The following MCUB variants were observed in gnomAD, a reference collection of about 807,000 sequenced individuals.
MCUB encodes the protein mitochondrial calcium uniporter dominant negative subunit beta.
MCUB carries 46 observed loss-of-function variants against 41.4 expected under a neutral mutation model. The ratio of observed to expected loss-of-function variants is 1.11; its 90% confidence interval spans 0.88 to 1.42. The LOEUF (loss-of-function observed/expected upper bound fraction) is 1.42, where lower values mean the gene tolerates loss of function less well. Ranked by LOEUF, MCUB falls within the 40% of genes most tolerant of loss-of-function variation. MCUB has a pLI of 0.00. For synonymous variants in MCUB, 148 were observed against 148.2 expected (o/e 1.00, Z 0.01); for missense variants, 403 against 404.9 (o/e 1.00, Z 0.04).
At chr4:109,639,339 T>C (rs9993884) in intron 1 of MCUB, among the ~76,000 whole-genome samples, 27,280 of 151,848 alleles carry the variant, frequency 0.18, 3,968 homozygotes, top group African/African-American at 0.4. Flanking sequence ...AGTAATATTT[T>C]GAAAGGAATC....
At chr4:109,561,170 G>A (rs1246210818) in intron 1 of MCUB, among the ~76,000 whole-genome samples, 1 of 152,176 alleles carries the variant, frequency 6.6e-6, no homozygotes, top group Non-Finnish European at 1.5e-5. Flanking sequence ...AGGAGCCCGG[G>A]AGTGCAAACT....
At chr4:109,609,184 A>G (rs1727946600) in intron 1 of MCUB, among the ~76,000 whole-genome samples, 1 of 152,198 alleles carries the variant, frequency 6.6e-6, no homozygotes, top group African/African-American at 2.4e-5. Flanking sequence ...TGTGCAAGAA[A>G]TAATTCAGGG....
chr4:109,681,328 G>C, intron 4 of MCUB: 3 of 306,398 alleles, frequency 9.8e-6, no homozygotes, highest in South Asian at 5.1e-5. Context: ...TTGGTTAAAG[G>C]TAGTCAAAAG....
At chr4:109,579,620 G>T (rs1727122969) in intron 1 of MCUB, among the ~76,000 whole-genome samples, 1 of 152,128 alleles carries the variant, frequency 6.6e-6, no homozygotes, top group South Asian at 2.1e-4. Context: ...TTGTGGATAG[G>T]TAAATTTATT....
At chr4:109,630,697 TGAGCCTCCC>T (rs1235977323) in intron 1 of MCUB, among the ~76,000 whole-genome samples, 1 of 152,164 alleles carries the variant, frequency 6.6e-6, no homozygotes, top group Non-Finnish European at 1.5e-5. Context: ...TTCTCCTGTC[TGAGCCTCCC>T]GAGTAGCTGG....
In MCUB at chr4:109,560,421, G is replaced by GCCGCCT; in HGVS notation, c.90_95dup (p.Pro31_Pro32dup). 7.7e-7 allele frequency: 1 copy of GCCGCCT among 1,295,758 alleles called. No individual in the cohort carries two copies. Among genetic ancestry groups the GCCGCCT allele is most frequent in the Non-Finnish European group, 9.8e-7 (1 of 1,022,818 alleles). The allele number at this position is 1,295,758 out of a possible 1,614,324, so 80.3% of individuals were successfully genotyped here. A position where few individuals can be genotyped will look rare whatever the true frequency, so the allele number is the denominator to read the frequency against. On this transcript the variant is annotated inframe_insertion, in exon 1 of 8. Coordinates refer to ENST00000394650, the MANE Select transcript of MCUB (RefSeq NM_017918.5). ...GGCGCCCAGCGCGCCCGTGGCCGCT[G>GCCGCCT]CCGCCTCCGCCCCAGGTAAGAGCGG...
intron 1 of MCUB, among the ~76,000 whole-genome samples, chr4:109,618,848 T>G (rs999185697): frequency 2.0e-5 from 3 of 152,130 alleles, no homozygotes; most frequent in Admixed American, 6.6e-5. Flanking sequence ...TAAATAAAAT[T>G]GCCAACATAA....
In MCUB at chr4:109,586,598, G is replaced by A. The variant is rs563056012; in HGVS notation, c.99+26162G>A. ...TCCCCATCTTTGTGGTTTTATTTAC[G>A]TTTGGTCTTTGATGTTGGTGACCTA... On this transcript the variant is annotated intron_variant, in intron 1 of 7. Transcript: ENST00000394650. 6.6e-5 allele frequency among the ~76,000 whole-genome samples: 10 copies of A among 152,180 alleles called. No individual in the cohort carries two copies. The East Asian group carries it at 1.5e-3, about 24-fold the overall frequency.
At chr4:109,601,699 G>A (rs1422161089) in intron 1 of MCUB, among the ~76,000 whole-genome samples, 2 of 152,114 alleles carry the variant, frequency 1.3e-5, no homozygotes, top group Non-Finnish European at 2.9e-5. Flanking sequence ...AGTAAACATG[G>A]GAGTGCAGAT....
At chr4:109,665,954 GAAA>G (rs950417865) in intron 4 of MCUB, among the ~76,000 whole-genome samples, 4 of 150,890 alleles carry the variant, frequency 2.7e-5, no homozygotes, top group Non-Finnish European at 5.9e-5. Flanking sequence ...AGAGTGGGAG[GAAA>G]AAAAGAAAGG....
intron 1 of MCUB, among the ~76,000 whole-genome samples, chr4:109,652,806 G>T (rs1307944878): frequency 6.6e-6 from 1 of 152,106 alleles, no homozygotes; most frequent in Non-Finnish European, 1.5e-5. Context: ...AATATTCTAG[G>T]TTGGTAATTA....
At chr4:109,667,887 G>T (rs927732389) in intron 4 of MCUB, among the ~76,000 whole-genome samples, 1 of 151,120 alleles carries the variant, frequency 6.6e-6, no homozygotes, top group Non-Finnish European at 1.5e-5. Flanking sequence ...TTTTTCTTGT[G>T]ATTTCTTCTT....
intron 1 of MCUB, among the ~76,000 whole-genome samples, chr4:109,602,229 C>T (rs1432166759): frequency 6.6e-6 from 1 of 152,144 alleles, no homozygotes; most frequent in Non-Finnish European, 1.5e-5. Flanking sequence ...TGATGTGAGT[C>T]CATTTGTCCA....
At chr4:109,686,833 C>T (rs1428639125) in intron 7 of MCUB, among the ~76,000 whole-genome samples, 2 of 152,116 alleles carry the variant, frequency 1.3e-5, no homozygotes, top group Non-Finnish European at 2.9e-5. Context: ...ACTATGATCA[C>T]ACCACTGCAC....
intron 1 of MCUB, among the ~76,000 whole-genome samples, chr4:109,644,634 G>C (rs1728792502): frequency 6.6e-6 from 1 of 152,138 alleles, no homozygotes; most frequent in Non-Finnish European, 1.5e-5. Context: ...TCACAGGCAT[G>C]CCAAAAGGAG....
chr4:109,597,188 C>T (rs1225861771), intron 1 of MCUB, among the ~76,000 whole-genome samples: 2 of 151,962 alleles, frequency 1.3e-5, no homozygotes, highest in African/African-American at 4.8e-5. Context: ...CACCTTTCCC[C>T]CCTTTCTATT....
At chr4:109,659,833 T>C (rs978610000) in intron 2 of MCUB, among the ~76,000 whole-genome samples, 2 of 152,144 alleles carry the variant, frequency 1.3e-5, no homozygotes, top group Admixed American at 1.3e-4. Flanking sequence ...AATTTTCGTA[T>C]ATTTTGTAGA....
At chr4:109,575,178 T>C (rs1017559597) in intron 1 of MCUB, among the ~76,000 whole-genome samples, 4 of 152,198 alleles carry the variant, frequency 2.6e-5, no homozygotes, top group African/African-American at 9.7e-5. Flanking sequence ...GGTTTGGAGA[T>C]TGATAAACTC....
At chr4:109,584,836 G>T (rs1046653495) in intron 1 of MCUB, among the ~76,000 whole-genome samples, 1 of 152,156 alleles carries the variant, frequency 6.6e-6, no homozygotes. Context: ...TGTGATTTCT[G>T]TTCTTTTATA....
Sources: allele counts gnomAD v4.1 joint callset (sites outside exome capture counted in the v4.1 genomes callset), GRCh38; gene constraint gnomAD v4.1.1; transcripts MANE v1.5; gene names NCBI Gene and HGNC (gene_info 2026-07-23, HGNC 2026-07-21).